NEBL: variants seen among roughly 807,000 people sequenced by gnomAD.
NEBL encodes nebulette, also known as LIM and SH3 protein 2.
Under a neutral mutation model 140.2 loss-of-function variants are expected in NEBL, and 122 were observed. That is an observed-to-expected ratio of 0.87 (90% CI 0.75 to 1.01). The LOEUF (loss-of-function observed/expected upper bound fraction) is 1.01. NEBL is among the 50% of genes least tolerant of loss of function. NEBL has a pLI of 0.00. For missense variants in NEBL, 1,365 were observed against 1,231.3 expected (o/e 1.11, Z -1.62); for synonymous variants, 436 against 398.9 (o/e 1.09, Z -1.11).
intron 2 of NEBL, among the ~76,000 whole-genome samples, chr10:21,164,367 GA>G (rs1227747943): frequency 6.6e-6 from 1 of 152,150 alleles, no homozygotes; most frequent in Non-Finnish European, 1.5e-5. Context: ...CTTACTCCCT[GA>G]TGTCCTAGGA....
rs770801296 is a variant in NEBL, at chr10:21,272,168, T to C, written n.183-20340A>G. 6.5e-4 allele frequency among the ~76,000 whole-genome samples: 92 copies of C among 142,444 alleles called. 1 individual carries two copies. The highest frequency in any genetic ancestry group is 1.2e-3 in the Non-Finnish European group (77 of 66,106). 93.4% of individuals were successfully genotyped at this position (142,444 alleles called of 152,430 possible). A position where few individuals can be genotyped will look rare whatever the true frequency, so the allele number is the denominator to read the frequency against. ...TTTTAGTAGAGACGGGGTTTCACCA[T>C]GTTAGCCAGGATGGTCTCGATCTCC... On this transcript the variant is annotated intron_variant and non_coding_transcript_variant, in intron 1 of 8. Transcript: ENST00000675702.
chr10:21,159,444 T>A (rs1327708586), intron 2 of NEBL, among the ~76,000 whole-genome samples: 1 of 152,198 alleles, frequency 6.6e-6, no homozygotes, highest in Non-Finnish European at 1.5e-5. Context: ...TCTCCTGAAC[T>A]TCAACATAAC....
At position 21,216,744 on chromosome 10, in the gene NEBL, C is replaced by T. The variant is rs535720728; in HGVS notation, n.348+31177G>A. On this transcript the variant is annotated intron_variant and non_coding_transcript_variant, in intron 3 of 8. Coordinates refer to the NEBL transcript ENST00000675702. ...CGAGATCGCACCACTGCACTCTAGG[C>T]TGGGCAACAAAGCAAGACTCCATCT... 2.7e-5 allele frequency among the ~76,000 whole-genome samples: 4 copies of T among 148,884 alleles called. No individual in the cohort carries two copies. The East Asian group carries it at 7.9e-4, about 29-fold the overall frequency.
At position 21,278,913 on chromosome 10, in the gene NEBL, C is replaced by T. The variant is rs1332639658; in HGVS notation, n.182+13917G>A. Among the ~76,000 whole-genome samples, 3 of 152,098 alleles carry T rather than the reference C, an allele frequency of 2.0e-5. No individual in the cohort carries two copies. The East Asian group carries it at 5.8e-4, about 29-fold the overall frequency. On this transcript the variant is annotated intron_variant and non_coding_transcript_variant, in intron 1 of 8. Coordinates refer to the NEBL transcript ENST00000675702. ...AACGTTGCCTCCAGGGGGCGCTATA[C>T]CCCTTGTATTGTATGTGCATGGCAC... is the stretch of plus-strand genomic sequence containing the variant.
intron 5 of NEBL, among the ~76,000 whole-genome samples, chr10:20,874,880 C>T (rs961556119): frequency 2.0e-5 from 3 of 152,128 alleles, no homozygotes; most frequent in Non-Finnish European, 2.9e-5. Flanking sequence ...GCTGGGATTA[C>T]AGGTGAACAC....
intron 2 of NEBL, among the ~76,000 whole-genome samples, chr10:21,104,159 C>A (rs1001505027): frequency 1.3e-5 from 2 of 152,148 alleles, no homozygotes; most frequent in Admixed American, 6.5e-5. Context: ...GTCCTGATTA[C>A]CAGAGCTGTA....
intron 3 of NEBL, among the ~76,000 whole-genome samples, chr10:21,214,404 GAGA>G (rs1841957921): frequency 6.6e-6 from 1 of 152,006 alleles, no homozygotes; most frequent in South Asian, 2.1e-4. Flanking sequence ...GAAACAAGAA[GAGA>G]AGAAAGGAAA....
chr10:20,861,158 CA>C (rs1843658451), intron 7 of NEBL, among the ~76,000 whole-genome samples: 1 of 152,040 alleles, frequency 6.6e-6, no homozygotes, highest in South Asian at 2.1e-4. Context: ...GGCACAAAAG[CA>C]ATGATTCACT....
At chr10:21,251,798 G>A (rs1322707864) in exon 2 of NEBL, among the ~76,000 whole-genome samples, 1 of 152,100 alleles carries the variant, frequency 6.6e-6, no homozygotes, top group East Asian at 1.9e-4. Context: ...ATCTGCCAGC[G>A]TCTTGATCTT....
chr10:21,201,439 C>T (rs1841735011), intron 3 of NEBL, among the ~76,000 whole-genome samples: 1 of 152,144 alleles, frequency 6.6e-6, no homozygotes, highest in African/African-American at 2.4e-5. Context: ...GCATGATTAG[C>T]ACATTTATAT....
At chr10:21,103,789 T>C (rs897386283) in intron 2 of NEBL, among the ~76,000 whole-genome samples, 1 of 152,190 alleles carries the variant, frequency 6.6e-6, no homozygotes. Flanking sequence ...AAGGTTTTCA[T>C]TTTCATAAAG....
At chr10:21,050,607 G>A (rs1378347747) in intron 2 of NEBL, among the ~76,000 whole-genome samples, 1 of 152,206 alleles carries the variant, frequency 6.6e-6, no homozygotes, top group Non-Finnish European at 1.5e-5. Flanking sequence ...TGAGGAACGG[G>A]TGCAGCGTGG....
intron 14 of NEBL, among the ~76,000 whole-genome samples, chr10:20,833,755 C>CAA (rs919864839): frequency 7.0e-4 from 53 of 75,756 alleles, no homozygotes; most frequent in Admixed American, 1.2e-3. Context: ...GACTCCGTCT[C>CAA]AAAAAAAAAA....
chr10:21,038,286 T>C (rs539697552), intron 2 of NEBL, among the ~76,000 whole-genome samples: 2 of 152,340 alleles, frequency 1.3e-5, no homozygotes, highest in South Asian at 4.1e-4. Flanking sequence ...GGTTGTTTGC[T>C]GCACCTATCA....
At chr10:21,264,813 A>G (rs1842779842) in intron 1 of NEBL, among the ~76,000 whole-genome samples, 1 of 149,988 alleles carries the variant, frequency 6.7e-6, no homozygotes, top group Non-Finnish European at 1.5e-5. Context: ...TCCAAGACCA[A>G]GGTGCTAGCA....
intron 3 of NEBL, among the ~76,000 whole-genome samples, chr10:21,227,761 T>G (rs576486749): frequency 2.3e-4 from 34 of 149,584 alleles, no homozygotes; most frequent in African/African-American, 7.7e-4. Flanking sequence ...TTCTTCTTCT[T>G]CTTCTTCTTT....
chr10:20,790,911 T>C (rs7089564), intron 26 of NEBL, among the ~76,000 whole-genome samples: 2,212 of 152,316 alleles, frequency 0.015, 46 homozygotes, highest in African/African-American at 0.049. Context: ...TCAGGTTCAT[T>C]TGGCAACAAA....
At chr10:21,135,361 C>G (rs1839305150) in intron 2 of NEBL, among the ~76,000 whole-genome samples, 1 of 152,106 alleles carries the variant, frequency 6.6e-6, no homozygotes, top group South Asian at 2.1e-4. Flanking sequence ...TCCGTATCCT[C>G]CAAAGGGCTG....
At chr10:20,853,464 A>T (rs1341595113) in intron 9 of NEBL, among the ~76,000 whole-genome samples, 1 of 152,184 alleles carries the variant, frequency 6.6e-6, no homozygotes, top group Non-Finnish European at 1.5e-5. Flanking sequence ...ACACAACGGA[A>T]TACTATACAG....
Sources: allele counts gnomAD v4.1 joint callset (sites outside exome capture counted in the v4.1 genomes callset), GRCh38; gene constraint gnomAD v4.1.1; transcripts MANE v1.5; gene names NCBI Gene and HGNC (gene_info 2026-07-23, HGNC 2026-07-21).